TGFBR2: variants seen among roughly 807,000 people sequenced by gnomAD.
TGFBR2 encodes the protein TGF-beta receptor type-2.
A neutral mutation model predicts 49.0 loss-of-function variants in TGFBR2; 18 were observed. That is an observed-to-expected ratio of 0.37 (90% confidence interval 0.25 to 0.54). The LOEUF is 0.54. TGFBR2 is among the 20% of genes least tolerant of loss of function. TGFBR2 has a pLI of 0.85. For synonymous variants in TGFBR2, 282 were observed against 275.9 expected (o/e 1.02, Z -0.22); for missense variants, 525 against 722.6 (o/e 0.73, Z 3.13).
rs907311353 is a variant in TGFBR2, at chr3:30,665,673, A to C, written c.455-5965A>C. Among the ~76,000 whole-genome samples the C allele has an allele frequency of 3.9e-5, 6 of 152,144 alleles. No individual in the cohort carries two copies. In the East Asian group the frequency reaches 1.2e-3, roughly 29 times the overall value. On this transcript the variant is annotated intron_variant, in intron 3 of 6. Transcript: ENST00000295754. ...GGCACTAGTTACCAACTTCCTAGAG[A>C]AACCCATCAATCTCAAAATTCCTGC...
At chr3:30,651,776 TCTC>T (rs1341880199) in intron 3 of TGFBR2, among the ~76,000 whole-genome samples, 1 of 152,220 alleles carries the variant, frequency 6.6e-6, no homozygotes, top group Non-Finnish European at 1.5e-5. Flanking sequence ...ACTAAACTAT[TCTC>T]CTCCTGAAAA....
intron 1 of TGFBR2, among the ~76,000 whole-genome samples, chr3:30,609,100 G>C (rs79641159): frequency 0.011 from 1,715 of 152,170 alleles, 21 homozygotes; most frequent in South Asian, 0.045. Flanking sequence ...TTTTATTTGG[G>C]TATTTAGACA....
chr3:30,664,208 T>C (rs1405507613), intron 3 of TGFBR2, among the ~76,000 whole-genome samples: 2 of 151,606 alleles, frequency 1.3e-5, no homozygotes, highest in Non-Finnish European at 2.9e-5. Flanking sequence ...GGTGTCAAAC[T>C]CCTGGGCTCA....
At chr3:30,659,859 T>G in intron 3 of TGFBR2, among the ~76,000 whole-genome samples, 1 of 151,930 alleles carries the variant, frequency 6.6e-6, no homozygotes, top group East Asian at 1.9e-4. Context: ...TTTTGCTGCT[T>G]TGCGAGTGTC....
intron 5 of TGFBR2, among the ~76,000 whole-genome samples, chr3:30,687,599 C>T (rs1190849044): frequency 6.6e-6 from 1 of 152,092 alleles, no homozygotes; most frequent in Admixed American, 6.6e-5. Context: ...ATAAAATGTA[C>T]CATCTTAACC....
intron 5 of TGFBR2, 117 bp from the exon 6 acceptor site, chr3:30,688,267 C>T (rs1198466543): frequency 9.9e-6 from 13 of 1,312,562 alleles, no homozygotes; most frequent in East Asian, 2.3e-5. Context: ...AGAGTAATTA[C>T]GTATGTATTT....
chr3:30,660,316 A>C (rs1474912336), intron 3 of TGFBR2, among the ~76,000 whole-genome samples: 2 of 152,158 alleles, frequency 1.3e-5, no homozygotes, highest in Non-Finnish European at 2.9e-5. Flanking sequence ...AGTTATGCTT[A>C]GGCTTGGCTG....
intron 1 of TGFBR2, among the ~76,000 whole-genome samples, chr3:30,607,813 TTA>T (rs1399388276): frequency 3.0e-4 from 41 of 137,772 alleles, no homozygotes; most frequent in Middle Eastern, 3.6e-3. Flanking sequence ...TATATATATA[TTA>T]TATATATATA....
At chr3:30,617,512 A>G (rs1391428734) in intron 1 of TGFBR2, among the ~76,000 whole-genome samples, 1 of 152,184 alleles carries the variant, frequency 6.6e-6, no homozygotes, top group Non-Finnish European at 1.5e-5. Flanking sequence ...AACAATCTCA[A>G]TACCCCTGGG....
intron 5 of TGFBR2, among the ~76,000 whole-genome samples, chr3:30,681,534 CA>C (rs1324560380): frequency 6.6e-6 from 1 of 152,068 alleles, no homozygotes; most frequent in African/African-American, 2.4e-5. Flanking sequence ...CCTTTTGAGA[CA>C]AATTAAAAGA....
chr3:30,609,597 T>G (rs539584719), intron 1 of TGFBR2, among the ~76,000 whole-genome samples: 5 of 152,326 alleles, frequency 3.3e-5, no homozygotes, highest in South Asian at 2.1e-4. Context: ...AAGAAATGAC[T>G]CTTTTGGGGA....
intron 5 of TGFBR2, among the ~76,000 whole-genome samples, chr3:30,678,295 C>T (rs1699474733): frequency 6.6e-6 from 1 of 152,114 alleles, no homozygotes; most frequent in South Asian, 2.1e-4. Context: ...CGCCTGTAAT[C>T]CCAACACTTT....
intron 2 of TGFBR2, among the ~76,000 whole-genome samples, chr3:30,648,160 G>C (rs573145208): frequency 2.6e-4 from 40 of 152,124 alleles, no homozygotes; most frequent in African/African-American, 9.7e-4. Context: ...GCTGTTACAG[G>C]AGTGAGTGGA....
At chr3:30,625,607 A>T (rs1427838943) in intron 1 of TGFBR2, among the ~76,000 whole-genome samples, 2 of 152,186 alleles carry the variant, frequency 1.3e-5, no homozygotes, top group East Asian at 3.8e-4. Flanking sequence ...TAAAATCCAC[A>T]CTTAAAAATT....
rs1178000235 is a variant in TGFBR2, at chr3:30,692,443, T to C, written c.*844T>C. The stretch of plus-strand genomic sequence containing the variant: ...TGGGTTGCAGAAAAATCAGAACAGA[T>C]GTCCCCATCCATGCGATTGCCCCAC... On this transcript the variant is annotated 3_prime_UTR_variant, in exon 7 of 7. Coordinates refer to ENST00000295754, the MANE Select transcript of TGFBR2 (RefSeq NM_003242.6). 4.3e-6 allele frequency: 1 copy of C among 232,122 alleles called. No individual in the cohort carries two copies. The highest frequency in any genetic ancestry group is 6.0e-5 in the East Asian group (1 of 16,570). 14.4% of individuals were successfully genotyped at this position (232,122 alleles called of 1,614,324 possible).
intron 5 of TGFBR2, among the ~76,000 whole-genome samples, chr3:30,685,130 G>A (rs550174955): frequency 7.2e-5 from 11 of 152,324 alleles, no homozygotes; most frequent in African/African-American, 2.4e-4. Context: ...TTCTGACCAT[G>A]AGTATAGGGA....
At chr3:30,648,766 C>T (rs1698824280) in intron 2 of TGFBR2, among the ~76,000 whole-genome samples, 1 of 152,106 alleles carries the variant, frequency 6.6e-6, no homozygotes, top group Admixed American at 6.6e-5. Flanking sequence ...CATGTACCTC[C>T]ACTGGAGTCA....
intron 2 of TGFBR2, among the ~76,000 whole-genome samples, chr3:30,649,644 C>A (rs753146044): frequency 6.6e-6 from 1 of 151,838 alleles, no homozygotes; most frequent in Non-Finnish European, 1.5e-5. Flanking sequence ...TGAATTGCTC[C>A]TTTCTGTAAT....
At chr3:30,651,860 G>A (rs1284386387) in intron 3 of TGFBR2, among the ~76,000 whole-genome samples, 1 of 152,224 alleles carries the variant, frequency 6.6e-6, no homozygotes, top group Non-Finnish European at 1.5e-5. Flanking sequence ...AATTTTACCA[G>A]CGTGGTAGTG....
Sources: gnomAD v4.1 joint callset for allele counts (sites outside exome capture counted in the v4.1 genomes callset) on GRCh38, gnomAD v4.1.1 for gene constraint, MANE v1.5 for transcripts, NCBI Gene and HGNC (gene_info 2026-07-23, HGNC 2026-07-21) for gene names.